The following MYO7B variants were observed in gnomAD, a reference collection of about 807,000 sequenced individuals.
MYO7B encodes the protein unconventional myosin-VIIb.
Under a neutral mutation model 259.7 loss-of-function variants are expected in MYO7B, and 212 were observed. That is an observed-to-expected ratio of 0.82 (90% CI 0.73 to 0.91). MYO7B has a LOEUF of 0.91. Among genes scored for constraint, MYO7B ranks in the 40% least tolerant of loss-of-function variants. MYO7B has a pLI of 0.00. For synonymous variants in MYO7B, 1,197 were observed against 1,166.4 expected (o/e 1.03, Z -0.54); for missense variants, 2,732 against 2,813.5 (o/e 0.97, Z 0.66).
At chr2:127,608,619 T>TG in intron 21 of MYO7B, 89 bp from the exon 22 acceptor site, 1 of 1,413,164 alleles carries the variant, frequency 7.1e-7, no homozygotes, top group Non-Finnish European at 9.5e-7. Flanking sequence ...ACTTGGCTTC[T>TG]GGGAGGTGCT....
intron 6 of MYO7B, among the ~76,000 whole-genome samples, chr2:127,572,990 T>C (rs1678710778): frequency 2.0e-5 from 3 of 151,148 alleles, no homozygotes. Flanking sequence ...ACCCAACCAG[T>C]CGCCCCCATG....
At chr2:127,550,962 G>A (rs1019082096) in intron 1 of MYO7B, among the ~76,000 whole-genome samples, 12 of 151,582 alleles carry the variant, frequency 7.9e-5, no homozygotes. Flanking sequence ...TCTCACACAA[G>A]TTTTGGGGGT....
chr2:127,555,925 G>A (rs1345794978), intron 1 of MYO7B, among the ~76,000 whole-genome samples: 1 of 152,132 alleles, frequency 6.6e-6, no homozygotes, highest in Non-Finnish European at 1.5e-5. Flanking sequence ...TCATTCCAGG[G>A]TATAGTTTAA....
chr2:127,573,887 C>T (rs1453471580), intron 6 of MYO7B, 33 bp from the exon 7 acceptor site: 6 of 1,613,374 alleles, frequency 3.7e-6, no homozygotes, highest in Admixed American at 3.3e-5. Context: ...CTCCTCTCTG[C>T]TCCCATCATG....
chr2:127,578,336 G>A (rs1396079652), intron 9 of MYO7B, 50 bp downstream of exon 9: 1 of 1,608,310 alleles, frequency 6.2e-7, no homozygotes, highest in Non-Finnish European at 8.5e-7. Context: ...AGAGGGAAGG[G>A]GACAGGAGCA....
At position 127,609,587 on chromosome 2, in the gene MYO7B, G is replaced by A. The variant is rs770637527; in HGVS notation, c.2896G>A (p.Asp966Asn). The A allele has an allele frequency of 8.7e-6, 14 of 1,614,006 alleles. No individual in the cohort carries two copies. In the Middle Eastern group the frequency reaches 4.9e-4, roughly 57 times the overall value. Residue 966 changes from aspartate (D) to asparagine (N), a missense_variant, in exon 23 of 48, where the codon GAT (aspartate) becomes AAT (asparagine). Coordinates refer to ENST00000409816, the MANE Select transcript of MYO7B (RefSeq NM_001393586.1). The surrounding 1 kb of genome is among the most constrained non-coding windows in gnomAD (Gnocchi z 6.9). ...PMAEEPEEDV[D>N]GLAEYTFPKF... ...GGCGGAGGAGCCTGAGGAGGATGTG[G>A]ATGGCCTGGCCGAGTACACCTTCCC...
chr2:127,581,166 T>C (rs62156607), intron 10 of MYO7B, among the ~76,000 whole-genome samples: 56,338 of 152,044 alleles, frequency 0.37, 11,839 homozygotes, highest in East Asian at 0.67. Flanking sequence ...CCCATCAGAC[T>C]AGCCCTGCCC....
intron 4 of MYO7B, 106 bp downstream of exon 4, chr2:127,565,491 C>T: frequency 6.9e-7 from 1 of 1,444,514 alleles, no homozygotes; most frequent in Non-Finnish European, 9.4e-7. Context: ...CCCATGCCCT[C>T]ACTGAGGGAG....
In MYO7B at chr2:127,609,715, G is replaced by C; in HGVS notation, c.3024G>C (p.Leu1008Phe). 6.2e-7 allele frequency: 1 copy of C among 1,613,952 alleles called. No homozygotes were observed. The change falls in exon 23 of 48, where the codon TTG becomes TTC. Residue 1008 changes from leucine to phenylalanine, a missense_variant and splice_region_variant. Physicochemically the swap from Leu to Phe is conservative, Grantham distance 22. Around this residue, in one of 3 missense-constraint regions of MYO7B, gnomAD observed 1,906 missense variants for 2,026.4 expected, o/e 0.94. Coordinates refer to ENST00000409816, the MANE Select transcript of MYO7B (RefSeq NM_001393586.1). This position sits in a 1 kb window ranked among gnomAD's most constrained non-coding sequence, Gnocchi z 6.9. The stretch of plus-strand genomic sequence containing the variant: ...ACCACGAAGATGACACTGACTGCTT[G>C]GTACCAGGGTTCACTGGCTTCTAGT... ...LLYHEDDTDC[L>F]AALVIWNVIL...
chr2:127,541,696 T>C (rs1693010653), intron 1 of MYO7B, among the ~76,000 whole-genome samples: 4 of 152,330 alleles, frequency 2.6e-5, no homozygotes, highest in Admixed American at 1.3e-4. Flanking sequence ...CATCTTGTGA[T>C]GTTGCAGAGG....
chr2:127,600,024 A>G (rs1219156577), intron 19 of MYO7B, among the ~76,000 whole-genome samples: 1 of 152,210 alleles, frequency 6.6e-6, no homozygotes, highest in Non-Finnish European at 1.5e-5. Flanking sequence ...AAAATGAATT[A>G]GGAAGTGTTT....
intron 2 of MYO7B, among the ~76,000 whole-genome samples, chr2:127,562,494 T>G (rs1384806654): frequency 1.8e-4 from 26 of 141,608 alleles, no homozygotes; most frequent in African/African-American, 5.7e-4. Flanking sequence ...TTTTTTTTTT[T>G]TTTTTTTTTT....
rs1553448471 is a variant in MYO7B at position 127,571,442 on chromosome 2, G to GTTTTTTTTTTGTTTTTT, written c.592+1542_592+1543insGTTTTTTTTTTTTTTTT. 6.2e-4 allele frequency among the ~76,000 whole-genome samples: 26 copies of GTTTTTTTTTTGTTTTTT among 41,950 alleles called. 2 individuals are homozygous for GTTTTTTTTTTGTTTTTT. The highest frequency in any genetic ancestry group is 1.4e-3 in the African/African-American group (17 of 12,310). 27.5% of individuals were successfully genotyped at this position (41,950 alleles called of 152,430 possible). A position where few individuals can be genotyped will look rare whatever the true frequency, so the allele number is the denominator to read the frequency against. On this transcript the variant is annotated intron_variant, in intron 6 of 47. Coordinates refer to ENST00000409816, the MANE Select transcript of MYO7B (RefSeq NM_001393586.1). ...AATTGGTCTATTTCCTTACCAGTGA[G>GTTTTTTTTTTGTTTTTT]TTTTTTTTTTTTTTTTTGCTTGTTT...
At chr2:127,571,695 G>A (rs1281219733) in intron 6 of MYO7B, among the ~76,000 whole-genome samples, 1 of 151,768 alleles carries the variant, frequency 6.6e-6, no homozygotes, top group East Asian at 1.9e-4. Context: ...AGTCAGGCTG[G>A]TCTCAAACTC....
At chr2:127,537,447 T>C (rs1692827790) in intron 1 of MYO7B, among the ~76,000 whole-genome samples, 1 of 152,204 alleles carries the variant, frequency 6.6e-6, no homozygotes, top group South Asian at 2.1e-4. Flanking sequence ...TGTATTTAAA[T>C]GATGTTTGTG....
rs1235426013 is a variant in MYO7B, at chr2:127,627,673, A to G, written c.4460+363A>G. 2 of 463,928 alleles carry G rather than the reference A, an allele frequency of 4.3e-6. No homozygotes were observed. The highest frequency in any genetic ancestry group is 4.0e-5 in the African/African-American group (2 of 50,416). 28.7% of individuals were successfully genotyped at this position (463,928 alleles called of 1,614,324 possible). ...GCCTGGAGGGTACAGGTTGTCTGGG[A>G]AGGCGACAAGGGACAGTGCCTGGTG... On this transcript the variant is annotated intron_variant, in intron 33 of 47. Coordinates refer to ENST00000409816, the MANE Select transcript of MYO7B (RefSeq NM_001393586.1). The surrounding 1 kb of genome is among the most constrained non-coding windows in gnomAD (Gnocchi z 5.6).
chr2:127,627,284 A>G lies in MYO7B; in HGVS notation c.4434A>G (p.Pro1478=), dbSNP rs1232712305. Residue 1478 remains proline (P), a synonymous_variant, in exon 33 of 48, where the codon CCA becomes CCG. Coordinates refer to ENST00000409816, the MANE Select transcript of MYO7B (RefSeq NM_001393586.1). The surrounding 1 kb of genome is among the most constrained non-coding windows in gnomAD (Gnocchi z 5.6). ...AGATGCTGCTGGAACTCTCTTTCCC[A>G]GAGGTCATGGGTCTGGCCACCAACA... The part of the protein sequence containing the change: ...QEKMLLELSF[P]EVMGLATNRE... 6.2e-7 allele frequency: 1 copy of G among 1,612,722 alleles called. No homozygotes were observed. The highest frequency in any genetic ancestry group is 8.5e-7 in the Non-Finnish European group (1 of 1,179,676).
chr2:127,609,689 T>TA lies in MYO7B; in HGVS notation c.2999dup (p.Tyr1000Ter). The stretch of plus-strand genomic sequence containing the variant: ...GCGGCCCCTCCGATACCCGTTGCTT[T>TA]ACCACGAAGATGACACTGACTGCTT... Reference protein sequence around the residue: ...IRRPLRYPLLYHEDDTDCLAA... With the variant: ...IRRPLRYPLL The change falls in exon 23 of 48, where the codon TAC becomes TAAC. Residue 1000 changes from tyrosine (Y) to a stop codon, truncating the protein, a stop_gained and frameshift_variant. Transcript: ENST00000409816. LOFTEE classifies it high-confidence loss of function. This position sits in a 1 kb window ranked among gnomAD's most constrained non-coding sequence, Gnocchi z 6.9. 1 of 1,613,938 alleles carries TA rather than the reference T, an allele frequency of 6.2e-7. No homozygotes were observed. The highest frequency in any genetic ancestry group is 8.5e-7 in the Non-Finnish European group (1 of 1,179,856).
chr2:127,605,403 C>G (rs1573681549), intron 19 of MYO7B, among the ~76,000 whole-genome samples: 1 of 152,178 alleles, frequency 6.6e-6, no homozygotes, highest in Non-Finnish European at 1.5e-5. Context: ...TGAGACCAAA[C>G]TGGTCAACGT....
Sources: gnomAD v4.1 joint callset for allele counts (sites outside exome capture counted in the v4.1 genomes callset) on GRCh38, gnomAD v4.1.1 for gene constraint, gnomAD v4.1.1 regional missense constraint, Gnocchi (gnomAD v3.1) non-coding constraint, MANE v1.5 for transcripts, NCBI Gene and HGNC (gene_info 2026-07-23, HGNC 2026-07-21) for gene names.